The following VAX2 variants were observed in gnomAD, a reference collection of about 807,000 sequenced individuals.
VAX2 encodes ventral anterior homeobox 2.
VAX2 carries 8 observed loss-of-function variants against 12.5 expected under a neutral mutation model. The ratio of observed to expected loss-of-function variants is 0.64; its 90% CI spans 0.37 to 1.15. VAX2 has a LOEUF of 1.15. VAX2 is among the 50% of genes most tolerant of loss of function. The pLI, the probability that VAX2 is intolerant of heterozygous loss-of-function variation, is 0.01. For synonymous variants in VAX2, 183 were observed against 187.6 expected (o/e 0.98, Z 0.20); for missense variants, 476 against 412.9 (o/e 1.15, Z -1.32).
chr2:70,910,800 C>CAAA (rs146398686), intron 1 of VAX2, among the ~76,000 whole-genome samples: 4 of 143,262 alleles, frequency 2.8e-5, no homozygotes, highest in African/African-American at 7.7e-5. Context: ...AAAAACAAAA[C>CAAA]AAAACAAAAA....
intron 1 of VAX2, 119 bp from the exon 2 acceptor site, chr2:70,920,979 A>C (rs1679444285): frequency 4.8e-6 from 6 of 1,242,018 alleles, no homozygotes; most frequent in Non-Finnish European, 6.4e-6. Flanking sequence ...CAGGTCATGC[A>C]ACCAGATCCA....
At chr2:70,931,838 G>A (rs1359875276) in intron 2 of VAX2, among the ~76,000 whole-genome samples, 1 of 152,378 alleles carries the variant, frequency 6.6e-6, no homozygotes, top group African/African-American at 2.4e-5. Flanking sequence ...ACACGTGTGG[G>A]TCAGAGCCAG....
chr2:70,907,637 G>A (rs1295329189), intron 1 of VAX2, among the ~76,000 whole-genome samples: 2 of 152,260 alleles, frequency 1.3e-5, no homozygotes, highest in African/African-American at 2.4e-5. Context: ...GCCGGGCAAA[G>A]GACACTCTAC....
At chr2:70,930,170 C>A (rs73937078) in intron 2 of VAX2, among the ~76,000 whole-genome samples, 37,327 of 152,044 alleles carry the variant, frequency 0.25, 5,059 homozygotes, top group Non-Finnish European at 0.31. Context: ...TGTACTGCAG[C>A]CCAGGCAGAA....
chr2:70,913,533 G>A (rs1191388624), intron 1 of VAX2, among the ~76,000 whole-genome samples: 2 of 151,884 alleles, frequency 1.3e-5, no homozygotes, highest in Admixed American at 6.6e-5. Flanking sequence ...AAAAATTAGC[G>A]GGCATGGTGG....
At chr2:70,918,798 A>G (rs1679367638) in intron 1 of VAX2, among the ~76,000 whole-genome samples, 1 of 144,882 alleles carries the variant, frequency 6.9e-6, no homozygotes, top group African/African-American at 2.6e-5. Flanking sequence ...TGGGAGGCTG[A>G]GGCAGGAGAA....
chr2:70,929,941 T>C (rs1679658119), intron 2 of VAX2, among the ~76,000 whole-genome samples: 1 of 152,098 alleles, frequency 6.6e-6, no homozygotes, highest in Admixed American at 6.6e-5. Context: ...TCACTGCTGA[T>C]TCCCTGGGCC....
At chr2:70,929,686 C>CAAAAA (rs59020150) in intron 2 of VAX2, among the ~76,000 whole-genome samples, 6,563 of 142,550 alleles carry the variant, frequency 0.046, 209 homozygotes, top group South Asian at 0.062. Context: ...GACTCCATCT[C>CAAAAA]AAAAAAAAAA....
chr2:70,933,023 CGCT>C lies in VAX2; in HGVS notation c.694_696del (p.Leu232del). On this transcript the variant is annotated inframe_deletion, in exon 3 of 3. Transcript: ENST00000234392. ...AGGAACTCCTCCCCACGCCTCAACC[CGCT>C]GTCCTCGGCCTCAGCGTCCCCCCCA... 1 of 1,598,194 alleles carries C rather than the reference CGCT, an allele frequency of 6.3e-7. No individual in the cohort carries two copies. Among genetic ancestry groups the C allele is most frequent in the South Asian group, 1.1e-5 (1 of 88,926 alleles).
chr2:70,929,761 C>T (rs571283193), intron 2 of VAX2, among the ~76,000 whole-genome samples: 1 of 152,136 alleles, frequency 6.6e-6, no homozygotes, highest in Admixed American at 6.5e-5. Flanking sequence ...TATTGGTCCT[C>T]AACAAAATTG....
rs1678998770 is a variant in VAX2 at position 70,904,183 on chromosome 2, C to T, written c.247+3315C>T. Among the ~76,000 whole-genome samples, 1 of 152,226 alleles carries T rather than the reference C, an allele frequency of 6.6e-6. No individual in the cohort carries two copies. The highest frequency in any genetic ancestry group is 2.1e-4 in the South Asian group (1 of 4,836). ...ACCTCCGCGTGCACAGTCCCTAGACCAGTGAGGGCGGGGACGGGGAAATCC... is the reference window on the plus strand; with the variant it reads ...ACCTCCGCGTGCACAGTCCCTAGACTAGTGAGGGCGGGGACGGGGAAATCC... On this transcript the variant is annotated intron_variant, in intron 1 of 2. Transcript: ENST00000234392. This position sits in a 1 kb window ranked among gnomAD's most constrained non-coding sequence, Gnocchi z 4.2.
At chr2:70,903,206 A>T (rs1553409996) in intron 1 of VAX2, among the ~76,000 whole-genome samples, 2 of 152,184 alleles carry the variant, frequency 1.3e-5, no homozygotes, top group East Asian at 3.9e-4. Flanking sequence ...TAGGCCTTCA[A>T]TACACTTTGC....
chr2:70,907,362 G>A (rs782564390), intron 1 of VAX2, among the ~76,000 whole-genome samples: 3 of 152,238 alleles, frequency 2.0e-5, no homozygotes, highest in Non-Finnish European at 4.4e-5. Flanking sequence ...TTCGGCTTTC[G>A]GCTTTCGGCG....
At chr2:70,913,025 C>G (rs1553411403) in intron 1 of VAX2, among the ~76,000 whole-genome samples, 1 of 152,200 alleles carries the variant, frequency 6.6e-6, no homozygotes, top group Non-Finnish European at 1.5e-5. Flanking sequence ...CCAAACTCCT[C>G]CTAGAAAAGG....
chr2:70,933,173 G>A lies in VAX2; in HGVS notation c.842G>A (p.Ser281Asn). ...AGCTGGCTAGAACGGAAAGTGGGCA[G>A]CGCCAGCAGCTGCAAGAAAGCTAAC... Reference protein sequence around the residue: ...PYSWLERKVGSASSCKKANT With the variant: ...PYSWLERKVGNASSCKKANT The change falls in exon 3 of 3, where the codon AGC becomes AAC. Residue 281 changes from serine to asparagine, a missense_variant. Transcript: ENST00000234392. 6.5e-7 allele frequency: 1 copy of A among 1,532,010 alleles called. No homozygotes were observed. Among genetic ancestry groups the A allele is most frequent in the Non-Finnish European group, 8.8e-7 (1 of 1,142,048 alleles). 94.9% of individuals were successfully genotyped at this position (1,532,010 alleles called of 1,614,324 possible).
chr2:70,923,210 C>T (rs1553413087), intron 2 of VAX2, among the ~76,000 whole-genome samples: 1 of 152,160 alleles, frequency 6.6e-6, no homozygotes. Context: ...CTCACTACAA[C>T]CCTCCTTCCT....
chr2:70,923,361 C>T (rs1330226110), intron 2 of VAX2, among the ~76,000 whole-genome samples: 1 of 152,176 alleles, frequency 6.6e-6, no homozygotes, highest in South Asian at 2.1e-4. Flanking sequence ...TTATGGGATA[C>T]GTGTGAGATT....
intron 2 of VAX2, among the ~76,000 whole-genome samples, chr2:70,929,379 T>C (rs1414527463): frequency 6.6e-6 from 1 of 152,150 alleles, no homozygotes; most frequent in South Asian, 2.1e-4. Flanking sequence ...ATGGTAAGTA[T>C]AGAAATAAAG....
chr2:70,913,943 C>T (rs1679252263), intron 1 of VAX2, among the ~76,000 whole-genome samples: 1 of 152,152 alleles, frequency 6.6e-6, no homozygotes, highest in Admixed American at 6.5e-5. Context: ...ACACTAATGT[C>T]TGTTCACATA....
Sources: allele counts gnomAD v4.1 joint callset (sites outside exome capture counted in the v4.1 genomes callset), GRCh38; gene constraint gnomAD v4.1.1; non-coding constraint Gnocchi (gnomAD v3.1); transcripts MANE v1.5; gene names NCBI Gene and HGNC (gene_info 2026-07-23, HGNC 2026-07-21).